PIK3C3: variants seen among roughly 807,000 people sequenced by gnomAD.
PIK3C3 encodes the protein phosphatidylinositol 3-kinase catalytic subunit type 3, also known as PI3-kinase type 3.
PIK3C3 carries 95 observed loss-of-function variants against 126.1 expected under a neutral mutation model. The observed-to-expected ratio is 0.75, with a 90% CI of 0.64 to 0.89. PIK3C3 has a LOEUF of 0.89. Ranked by LOEUF, PIK3C3 falls within the 40% of genes least tolerant of loss-of-function variation. The pLI is 0.00. For synonymous variants in PIK3C3, 374 were observed against 360.0 expected (o/e 1.04, Z -0.44); for missense variants, 829 against 1,063.2 (o/e 0.78, Z 3.06).
intron 2 of PIK3C3, among the ~76,000 whole-genome samples, chr18:41,961,619 T>C (rs1980089655): frequency 6.6e-6 from 1 of 152,200 alleles, no homozygotes; most frequent in Admixed American, 6.5e-5. Context: ...ATAATAACTT[T>C]GAATGAACAG....
chr18:42,054,620 A>G (rs1984977856), intron 21 of PIK3C3, among the ~76,000 whole-genome samples: 1 of 152,146 alleles, frequency 6.6e-6, no homozygotes, highest in Non-Finnish European at 1.5e-5. Context: ...TTTTATGTGA[A>G]AATGATTATT....
At chr18:41,988,378 A>G (rs983560961) in intron 5 of PIK3C3, among the ~76,000 whole-genome samples, 2 of 152,124 alleles carry the variant, frequency 1.3e-5, no homozygotes, top group African/African-American at 4.8e-5. Context: ...TTGACCTTGT[A>G]TGTGAGCCAG....
At chr18:42,004,207 CATATAT>C (rs1598886548) in intron 9 of PIK3C3, 143 bp from the exon 10 acceptor site, 2 of 600,824 alleles carry the variant, frequency 3.3e-6, no homozygotes, top group Non-Finnish European at 5.8e-6. Context: ...TCTATAAGAT[CATATAT>C]ATAACTTCAT....
rs150289165 is a variant in PIK3C3 at position 42,029,017 on chromosome 18, T to C, written c.1591-308T>C. On this transcript the variant is annotated intron_variant, in intron 14 of 24. Transcript: ENST00000262039. ...ATCGGATATTTATTGAATCAAATAA[T>C]GAGTGAATGTATTTTAGGATGAATG... Among the ~76,000 whole-genome samples the C allele has an allele frequency of 2.2e-3, 337 of 152,330 alleles. 1 individual carries two copies. Among genetic ancestry groups the C allele is most frequent in the African/African-American group, 7.5e-3 (312 of 41,580 alleles).
At chr18:42,038,373 T>A (rs1984154056) in intron 17 of PIK3C3, among the ~76,000 whole-genome samples, 2 of 152,102 alleles carry the variant, frequency 1.3e-5, no homozygotes, top group Admixed American at 1.3e-4. Context: ...GATGGAGTTT[T>A]GCTTTTTGCA....
chr18:41,992,148 G>A (rs1195913794), intron 6 of PIK3C3, among the ~76,000 whole-genome samples: 1 of 152,088 alleles, frequency 6.6e-6, no homozygotes, highest in African/African-American at 2.4e-5. Flanking sequence ...CCTGAAAATT[G>A]CTCATAAATT....
At chr18:42,068,554 A>G (rs1261036328) in intron 24 of PIK3C3, among the ~76,000 whole-genome samples, 1 of 152,026 alleles carries the variant, frequency 6.6e-6, no homozygotes, top group African/African-American at 2.4e-5. Context: ...TATGTTTTCT[A>G]CCTTTATTAC....
chr18:41,973,041 A>G (rs1980744765), intron 4 of PIK3C3, among the ~76,000 whole-genome samples: 1 of 152,104 alleles, frequency 6.6e-6, no homozygotes, highest in Non-Finnish European at 1.5e-5. Context: ...TCAGGTGTTT[A>G]GAATGGATGA....
Position 42,043,773 on chromosome 18 carries a change from A to G in PIK3C3, c.2144A>G (p.Asn715Ser). 1 of 1,613,446 alleles carries G rather than the reference A, an allele frequency of 6.2e-7. No individual in the cohort carries two copies. The highest frequency in any genetic ancestry group is 8.5e-7 in the Non-Finnish European group (1 of 1,179,494). ...RKYAPSENGPNGISAEVMDTY... is the reference protein window; with the variant it reads ...RKYAPSENGPSGISAEVMDTY... ...TATGCACCAAGTGAGAATGGGCCAAATGGGATTAGTGCTGAGGTCATGGAC... is the reference window on the plus strand; with the variant it reads ...TATGCACCAAGTGAGAATGGGCCAAGTGGGATTAGTGCTGAGGTCATGGAC... The change falls in exon 20 of 25, where the codon AAT becomes AGT. Residue 715 changes from asparagine (N) to serine (S), a missense_variant. By Grantham distance (46) the Asn-to-Ser change is conservative (BLOSUM62 1). Coordinates refer to ENST00000262039, the MANE Select transcript of PIK3C3 (RefSeq NM_002647.4).
At chr18:42,069,166 A>G (rs1047189883) in intron 24 of PIK3C3, among the ~76,000 whole-genome samples, 2 of 152,126 alleles carry the variant, frequency 1.3e-5, no homozygotes, top group Non-Finnish European at 2.9e-5. Flanking sequence ...CCTGAACACC[A>G]GTCTTGATCA....
chr18:42,008,493 A>G (rs746623208), intron 10 of PIK3C3, among the ~76,000 whole-genome samples: 3 of 152,288 alleles, frequency 2.0e-5, no homozygotes, highest in Admixed American at 6.5e-5. Context: ...AAATGCCTCT[A>G]TGGAGAGTTA....
chr18:41,956,030 A>G (rs1979753921), intron 1 of PIK3C3, among the ~76,000 whole-genome samples: 2 of 141,994 alleles, frequency 1.4e-5, no homozygotes, highest in Admixed American at 7.5e-5. Flanking sequence ...TAGAACTGGT[A>G]TAATGACGAG....
rs371516205 is a variant in PIK3C3 at position 42,041,211 on chromosome 18, CAG to C, written c.2103+473_2103+474del. 3.9e-3 allele frequency among the ~76,000 whole-genome samples: 586 copies of C among 151,838 alleles called. 6 individuals are homozygous for C. Among genetic ancestry groups the C allele is most frequent in the African/African-American group, 0.013 (556 of 41,422 alleles). ...AAAAACAAAAAAAACCCCAAAAAAA[CAG>C]AGTTAATTGGTGAACAAATTAAAAT... On this transcript the variant is annotated intron_variant, in intron 19 of 24. Transcript: ENST00000262039.
intron 5 of PIK3C3, among the ~76,000 whole-genome samples, chr18:41,989,338 T>G (rs1166451313): frequency 2.0e-5 from 3 of 152,138 alleles, no homozygotes; most frequent in Non-Finnish European, 2.9e-5. Flanking sequence ...GTGCTAGGAT[T>G]ACAAGTGTGA....
chr18:42,082,240 A>G lies in PIK3C3; in HGVS notation c.*1103A>G, dbSNP rs554777520. On this transcript the variant is annotated 3_prime_UTR_variant, in exon 25 of 25. Transcript: ENST00000262039. ...AGAATTGTTTTGGTGCTGAATAAAT[A>G]TTAGAAATCAAGTGACAGAGAAGAT... The G allele has an allele frequency of 2.0e-5, 3 of 152,324 alleles. No homozygotes were observed. The highest frequency in any genetic ancestry group is 2.1e-4 in the South Asian group (1 of 4,822). 9.4% of individuals were successfully genotyped at this position (152,324 alleles called of 1,614,324 possible).
chr18:41,983,237 C>T (rs1462382796), intron 4 of PIK3C3, among the ~76,000 whole-genome samples: 6 of 152,040 alleles, frequency 3.9e-5, no homozygotes, highest in Non-Finnish European at 7.4e-5. Flanking sequence ...GTTCAACATT[C>T]TATGCTCATC....
At chr18:41,973,960 CAGTT>C (rs1980791786) in intron 4 of PIK3C3, among the ~76,000 whole-genome samples, 1 of 152,122 alleles carries the variant, frequency 6.6e-6, no homozygotes, top group Non-Finnish European at 1.5e-5. Context: ...TTTGAGAAGA[CAGTT>C]GGCTTAAGAC....
chr18:42,001,646 A>G (rs1439317626), intron 9 of PIK3C3, among the ~76,000 whole-genome samples: 1 of 152,126 alleles, frequency 6.6e-6, no homozygotes, highest in Non-Finnish European at 1.5e-5. Context: ...AAGTTGTGAA[A>G]TTCTTTGTAC....
rs1317585254 is a variant in PIK3C3 at position 41,971,006 on chromosome 18, A to G, written c.531+550A>G. The G allele has an allele frequency of 1.9e-5, 3 of 154,390 alleles. No homozygotes were observed. In the South Asian group the frequency reaches 6.1e-4, roughly 31 times the overall value. 9.6% of individuals were successfully genotyped at this position (154,390 alleles called of 1,614,324 possible). A position where few individuals can be genotyped will look rare whatever the true frequency, so the allele number is the denominator to read the frequency against. On this transcript the variant is annotated intron_variant, in intron 4 of 24. Transcript: ENST00000262039. ...GAAGTGAAGATGACTCAGACAATTA[A>G]CTAGTATAAAGTTTCTTTGTAAGCA...
Sources: gnomAD v4.1 joint callset for allele counts (sites outside exome capture counted in the v4.1 genomes callset) on GRCh38, gnomAD v4.1.1 for gene constraint, MANE v1.5 for transcripts, NCBI Gene and HGNC (gene_info 2026-07-23, HGNC 2026-07-21) for gene names.